Variants in GNAO1 observed in about 807,000 individuals in gnomAD.
GNAO1 encodes the protein G protein subunit alpha o1, also known as guanine nucleotide-binding protein G(o) subunit alpha.
For synonymous variants in GNAO1, 164 were observed against 180.7 expected, an observed-to-expected ratio of 0.91 and a Z score of 0.74; for missense variants, 166 against 478.7, an observed-to-expected ratio of 0.35 and a Z score of 6.10.
intron 2 of GNAO1, among the ~76,000 whole-genome samples, chr16:56,211,998 CTG>C (rs2036393518): frequency 6.6e-6 from 1 of 152,192 alleles, no homozygotes; most frequent in Non-Finnish European, 1.5e-5. Flanking sequence ...AAGGGACAAA[CTG>C]CAAACTTCAG....
At chr16:56,240,268 A>G (rs1461224644) in intron 2 of GNAO1, among the ~76,000 whole-genome samples, 1 of 152,128 alleles carries the variant, frequency 6.6e-6, no homozygotes, top group African/African-American at 2.4e-5. Context: ...TGCAGACACC[A>G]TTCCCTGGAA....
At chr16:56,328,598 G>A (rs1180706421) in intron 3 of GNAO1, 33 bp from the exon 4 acceptor site, 3 of 1,606,366 alleles carry the variant, frequency 1.9e-6, no homozygotes, top group African/African-American at 1.3e-5. Flanking sequence ...CCCCACCAAA[G>A]CGTCAAAGCC....
intron 6 of GNAO1, chr16:56,345,896 T>A: frequency 1.0e-6 from 1 of 985,490 alleles, no homozygotes; most frequent in Non-Finnish European, 1.2e-6. Context: ...TCTAAGGCCA[T>A]CACCCTGGAG....
intron 3 of GNAO1, among the ~76,000 whole-genome samples, chr16:56,286,996 G>A (rs942737207): frequency 9.2e-5 from 14 of 152,194 alleles, no homozygotes; most frequent in African/African-American, 2.4e-4. Flanking sequence ...TGGAGGGCCG[G>A]CCAGGCTGAG....
At chr16:56,200,145 GTC>G (rs2036270083) in intron 2 of GNAO1, among the ~76,000 whole-genome samples, 1 of 152,144 alleles carries the variant, frequency 6.6e-6, no homozygotes, top group Non-Finnish European at 1.5e-5. Flanking sequence ...TGACCCCAGG[GTC>G]TCAGAGCACT....
At chr16:56,303,186 C>T (rs1348931390) in intron 3 of GNAO1, among the ~76,000 whole-genome samples, 1 of 152,172 alleles carries the variant, frequency 6.6e-6, no homozygotes, top group Admixed American at 6.5e-5. Context: ...TCACCACTGC[C>T]TTTTGTATGC....
At chr16:56,261,071 A>G (rs2036899356) in intron 2 of GNAO1, among the ~76,000 whole-genome samples, 1 of 152,244 alleles carries the variant, frequency 6.6e-6, no homozygotes, top group Admixed American at 6.5e-5. Context: ...TTTGTCCAGC[A>G]AAAGTTGGCG....
intron 2 of GNAO1, among the ~76,000 whole-genome samples, chr16:56,249,299 T>C (rs1295220269): frequency 6.6e-6 from 1 of 152,170 alleles, no homozygotes; most frequent in Non-Finnish European, 1.5e-5. Flanking sequence ...TTCTCGAAGC[T>C]GCATATGGCT....
At chr16:56,195,850 C>G (rs1196999030) in intron 2 of GNAO1, among the ~76,000 whole-genome samples, 1 of 152,196 alleles carries the variant, frequency 6.6e-6, no homozygotes, top group African/African-American at 2.4e-5. Flanking sequence ...GTGTTCTCAT[C>G]CTTGTTGTGG....
At chr16:56,335,919 C>T (rs918950013) in intron 5 of GNAO1, among the ~76,000 whole-genome samples, 2 of 152,222 alleles carry the variant, frequency 1.3e-5, no homozygotes, top group Non-Finnish European at 1.5e-5. Flanking sequence ...TGAGCCCACA[C>T]TAATCTCTGC....
At chr16:56,334,281 T>C (rs1596871064) in intron 4 of GNAO1, among the ~76,000 whole-genome samples, 2 of 152,136 alleles carry the variant, frequency 1.3e-5, no homozygotes, top group Admixed American at 1.3e-4. Context: ...GAGCCAAGGG[T>C]CCGGGTCACA....
chr16:56,192,772 C>T (rs1450346569), intron 2 of GNAO1, 156 bp downstream of exon 2: 6 of 627,694 alleles, frequency 9.6e-6, no homozygotes, highest in Non-Finnish European at 1.8e-5. Context: ...GACTCCCCTC[C>T]CCCACTCCCT....
intron 2 of GNAO1, among the ~76,000 whole-genome samples, chr16:56,249,339 G>A (rs876620): frequency 0.13 from 19,636 of 152,124 alleles, 1,606 homozygotes; most frequent in African/African-American, 0.22. Context: ...GTGCTGCTAC[G>A]ACACCGTTTC....
chr16:56,269,002 G>A (rs79874469), intron 2 of GNAO1, among the ~76,000 whole-genome samples: 5,180 of 152,254 alleles, frequency 0.034, 113 homozygotes, highest in South Asian at 0.071. Flanking sequence ...CATTACTGCC[G>A]AGATCTCCCT....
intron 3 of GNAO1, among the ~76,000 whole-genome samples, chr16:56,279,365 G>A (rs2037093583): frequency 6.6e-6 from 1 of 152,176 alleles, no homozygotes. Flanking sequence ...GAACCTGAAA[G>A]AGCCTCCGTG....
At chr16:56,322,858 C>T (rs773375988) in intron 3 of GNAO1, among the ~76,000 whole-genome samples, 1 of 152,112 alleles carries the variant, frequency 6.6e-6, no homozygotes, top group Non-Finnish European at 1.5e-5. Context: ...GAAACTGGGG[C>T]CAAGCCTCAT....
intron 2 of GNAO1, among the ~76,000 whole-genome samples, chr16:56,254,882 T>C (rs1363187839): frequency 6.6e-6 from 1 of 152,202 alleles, no homozygotes; most frequent in Non-Finnish European, 1.5e-5. Context: ...TAATTCATAA[T>C]TAAACACATA....
chr16:56,334,627 G>A (rs2037722449), intron 4 of GNAO1, 102 bp from the exon 5 acceptor site: 4 of 1,235,148 alleles, frequency 3.2e-6, no homozygotes, highest in Non-Finnish European at 4.6e-6. Context: ...GTGACCTGGA[G>A]GGGCCCTGAC....
At chr16:56,260,930 A>AC (rs1242110102) in intron 2 of GNAO1, among the ~76,000 whole-genome samples, 1 of 152,116 alleles carries the variant, frequency 6.6e-6, no homozygotes, top group African/African-American at 2.4e-5. Flanking sequence ...ACATGCTGTC[A>AC]CCTGGAATTC....
Sources: allele counts gnomAD v4.1 joint callset (sites outside exome capture counted in the v4.1 genomes callset), GRCh38; gene constraint gnomAD v4.1.1; transcripts MANE v1.5; gene names NCBI Gene and HGNC (gene_info 2026-07-23, HGNC 2026-07-21).